LIMCH1: variants seen among roughly 807,000 people sequenced by gnomAD.
LIMCH1 encodes LIM and calponin homology domains 1, also known as LIM and calponin homology domains-containing protein 1.
In LIMCH1, 113 loss-of-function variants were observed where a neutral mutation model predicts 176.5. The observed-to-expected ratio is 0.64, with a 90% CI of 0.55 to 0.75. The LOEUF is 0.75. Ranked by LOEUF, LIMCH1 falls within the 30% of genes least tolerant of loss-of-function variation. The pLI is 0.00. For synonymous variants in LIMCH1, 619 were observed against 645.9 expected, an observed-to-expected ratio of 0.96 and a Z score of 0.63; for missense variants, 1,674 against 1,814.9, an observed-to-expected ratio of 0.92 and a Z score of 1.41.
chr4:41,516,689 T>C (rs2075616138), intron 2 of LIMCH1, among the ~76,000 whole-genome samples: 1 of 152,222 alleles, frequency 6.6e-6, no homozygotes, highest in Non-Finnish European at 1.5e-5. Flanking sequence ...GCTTACAGTA[T>C]AGATGATTTT....
intron 18 of LIMCH1, among the ~76,000 whole-genome samples, chr4:41,656,148 A>C (rs1169819336): frequency 6.6e-6 from 1 of 152,200 alleles, no homozygotes; most frequent in Non-Finnish European, 1.5e-5. Context: ...ATTTTGAAAA[A>C]GCTCTAGGTC....
intron 13 of LIMCH1, among the ~76,000 whole-genome samples, chr4:41,638,451 T>C (rs2093688675): frequency 6.6e-6 from 1 of 152,196 alleles, no homozygotes; most frequent in East Asian, 1.9e-4. Context: ...CACTCTTTGA[T>C]GTTATTTGTG....
chr4:41,481,284 T>G (rs1329274761), intron 1 of LIMCH1, among the ~76,000 whole-genome samples: 3 of 152,130 alleles, frequency 2.0e-5, no homozygotes, highest in Non-Finnish European at 4.4e-5. Flanking sequence ...AGTGTAGCAG[T>G]GTAACTGCCA....
intron 1 of LIMCH1, among the ~76,000 whole-genome samples, chr4:41,443,373 A>G (rs2062922087): frequency 6.6e-6 from 1 of 152,188 alleles, no homozygotes; most frequent in South Asian, 2.1e-4. Flanking sequence ...GCTTTTCCTG[A>G]ATCGTTGTTG....
chr4:41,424,123 T>C (rs2060866895), intron 1 of LIMCH1, among the ~76,000 whole-genome samples: 1 of 151,774 alleles, frequency 6.6e-6, no homozygotes, highest in African/African-American at 2.4e-5. Flanking sequence ...GTACTAGCCT[T>C]ATACATGTGA....
chr4:41,470,381 C>A (rs1193418483), intron 1 of LIMCH1, among the ~76,000 whole-genome samples: 2 of 152,214 alleles, frequency 1.3e-5, no homozygotes, highest in Non-Finnish European at 2.9e-5. Flanking sequence ...TACATCCTTT[C>A]ACCCATTCAG....
intron 4 of LIMCH1, among the ~76,000 whole-genome samples, chr4:41,610,955 G>A (rs2091342993): frequency 6.6e-6 from 1 of 152,172 alleles, no homozygotes; most frequent in Admixed American, 6.5e-5. Flanking sequence ...AAACTTTTGA[G>A]CAAAGACGTA....
chr4:41,639,874 C>A (rs1224447575), intron 14 of LIMCH1, among the ~76,000 whole-genome samples: 1 of 152,180 alleles, frequency 6.6e-6, no homozygotes, highest in Admixed American at 6.5e-5. Flanking sequence ...AATGTAATCA[C>A]CAGTCCTCCT....
chr4:41,483,308 G>T (rs1473096781), intron 1 of LIMCH1, among the ~76,000 whole-genome samples: 1 of 152,058 alleles, frequency 6.6e-6, no homozygotes. Flanking sequence ...GTGGGGCCAG[G>T]GATGGTGGTT....
At chr4:41,460,351 A>C (rs958927556) in intron 1 of LIMCH1, among the ~76,000 whole-genome samples, 1 of 151,478 alleles carries the variant, frequency 6.6e-6, no homozygotes, top group African/African-American at 2.4e-5. Flanking sequence ...ATGACATGCT[A>C]CGTGAGCCCC....
intron 1 of LIMCH1, among the ~76,000 whole-genome samples, chr4:41,591,234 TCTTTCTTTCTTG>T (rs1364135479): frequency 1.5e-5 from 2 of 132,162 alleles, no homozygotes; most frequent in Admixed American, 7.0e-5. Flanking sequence ...TCTTTTTCTT[TCTTTCTTTCTTG>T]CTTGCTTGCT....
chr4:41,537,288 T>A, upstream of LIMCH1, among the ~76,000 whole-genome samples: 1 of 152,238 alleles, frequency 6.6e-6, no homozygotes, highest in East Asian at 1.9e-4. Context: ...AAATGGTAAC[T>A]CCGCACACGA....
intron 1 of LIMCH1, among the ~76,000 whole-genome samples, chr4:41,455,111 G>A (rs1034867021): frequency 2.0e-5 from 3 of 152,076 alleles, no homozygotes; most frequent in African/African-American, 7.2e-5. Context: ...ATATTTATGT[G>A]TAGTTGATTC....
Position 41,609,712 on chromosome 4 carries a change from CA to C in LIMCH1, c.9+3709del, listed in dbSNP as rs1299729834. 574 of 453,884 alleles carry C rather than the reference CA, an allele frequency of 1.3e-3. 2 individuals carry two copies. The highest frequency in any genetic ancestry group is 2.0e-3 in the Non-Finnish European group (455 of 225,780). 28.1% of individuals were successfully genotyped at this position (453,884 alleles called of 1,614,324 possible). The stretch of plus-strand genomic sequence containing the variant: ...CTAGTAGTTCTCACCCCTTCATTAA[CA>C]TACTTTAACTAGAGTAACTCAGTAG... On this transcript the variant is annotated intron_variant, in intron 4 of 31. Transcript: ENST00000503057.
At chr4:41,613,434 G>A (rs1409180299) in intron 4 of LIMCH1, 32 bp from the exon 5 acceptor site, 3 of 1,590,388 alleles carry the variant, frequency 1.9e-6, no homozygotes, top group African/African-American at 1.3e-5. Context: ...CTAGAATTAT[G>A]TCTGTAACCC....
chr4:41,558,377 A>G (rs2081587278), intron 1 of LIMCH1, among the ~76,000 whole-genome samples: 1 of 152,216 alleles, frequency 6.6e-6, no homozygotes, highest in Non-Finnish European at 1.5e-5. Context: ...CACTGGCTAA[A>G]TGAATGGTTT....
intron 1 of LIMCH1, among the ~76,000 whole-genome samples, chr4:41,485,892 T>A (rs2069444425): frequency 6.6e-6 from 1 of 152,152 alleles, no homozygotes; most frequent in African/African-American, 2.4e-5. Flanking sequence ...AAGATGACAG[T>A]GGCTTGGAAA....
intron 2 of LIMCH1, among the ~76,000 whole-genome samples, chr4:41,523,135 A>G (rs1348711373): frequency 1.3e-5 from 2 of 152,234 alleles, no homozygotes; most frequent in East Asian, 3.8e-4. Context: ...AGATAGTCTA[A>G]ATTCAAGACT....
chr4:41,432,352 A>G (rs2061678420), intron 1 of LIMCH1, among the ~76,000 whole-genome samples: 1 of 152,200 alleles, frequency 6.6e-6, no homozygotes, highest in Non-Finnish European at 1.5e-5. Context: ...CTAACAGAGA[A>G]CTTTAGAGAC....
Sources: gnomAD v4.1 joint callset for allele counts (sites outside exome capture counted in the v4.1 genomes callset) on GRCh38, gnomAD v4.1.1 for gene constraint, MANE v1.5 for transcripts, NCBI Gene and HGNC (gene_info 2026-07-23, HGNC 2026-07-21) for gene names.